ATG14: variants seen among roughly 807,000 people sequenced by gnomAD.
ATG14 encodes autophagy related 14.
ATG14 carries 35 observed loss-of-function variants against 60.4 expected under a neutral mutation model. That is an observed-to-expected ratio of 0.58 (90% confidence interval 0.44 to 0.77). The LOEUF (loss-of-function observed/expected upper bound fraction) is 0.77, where lower values mean the gene tolerates loss of function less well. Ranked by LOEUF, ATG14 falls within the 30% of genes least tolerant of loss-of-function variation. The pLI, the probability that ATG14 is intolerant of heterozygous loss-of-function variation, is 0.00. For synonymous variants in ATG14, 234 were observed against 228.8 expected (o/e 1.02, Z -0.21); for missense variants, 647 against 626.3 (o/e 1.03, Z -0.35).
In ATG14 at chr14:55,395,137, CT is replaced by C; in HGVS notation, c.327+802del. On this transcript the variant is annotated intron_variant, in intron 3 of 9. Transcript: ENST00000247178. The stretch of plus-strand genomic sequence containing the variant: ...TGCTGCTTTCTCAGCTTCGTTTCCA[CT>C]TTTGCAGGAGCAGGTTCAGCTGATA... 2.9e-5 allele frequency: 14 copies of C among 476,128 alleles called. 1 individual carries two copies. Among genetic ancestry groups the C allele is most frequent in the South Asian group, 2.1e-4 (14 of 65,418 alleles). The allele number at this position is 476,128 out of a possible 1,614,324, so 29.5% of individuals were successfully genotyped here.
intron 3 of ATG14, among the ~76,000 whole-genome samples, chr14:55,393,762 A>G (rs1053657814): frequency 6.6e-6 from 1 of 151,980 alleles, no homozygotes; most frequent in South Asian, 2.1e-4. Context: ...CATGTTTCCC[A>G]GGCTGGTTTT....
chr14:55,387,917 C>T (rs1315449312), intron 4 of ATG14, among the ~76,000 whole-genome samples: 1 of 152,186 alleles, frequency 6.6e-6, no homozygotes, highest in African/African-American at 2.4e-5. Flanking sequence ...CCGCCTCGGC[C>T]TCCCAAAGTG....
intron 9 of ATG14, among the ~76,000 whole-genome samples, chr14:55,372,590 A>ACTCCTTCCCTTCCTCCTTCCCTCC (rs1884843857): frequency 8.8e-6 from 1 of 114,092 alleles, no homozygotes; most frequent in South Asian, 2.7e-4. Context: ...TTTCTTCCTC[A>ACTCCTTCCCTTCCTCCTTCCCTCC]CTCCTTCCCT....
At chr14:55,383,560 C>CA (rs930868530) in intron 5 of ATG14, among the ~76,000 whole-genome samples, 5 of 150,244 alleles carry the variant, frequency 3.3e-5, no homozygotes, top group South Asian at 2.1e-4. Context: ...CAAAAAAACA[C>CA]AAAAAAACAA....
chr14:55,402,178 A>T (rs1885409842), intron 1 of ATG14, among the ~76,000 whole-genome samples: 1 of 152,160 alleles, frequency 6.6e-6, no homozygotes, highest in Admixed American at 6.5e-5. Context: ...CAATTTACTG[A>T]GCACTTACTA....
intron 1 of ATG14, among the ~76,000 whole-genome samples, chr14:55,408,645 C>G (rs1465188674): frequency 2.0e-5 from 3 of 152,126 alleles, no homozygotes; most frequent in African/African-American, 7.2e-5. Context: ...GTGGAGCATG[C>G]CTGTAGTCCC....
At chr14:55,386,146 T>A in intron 4 of ATG14, 50 bp from the exon 5 acceptor site, 1 of 1,475,500 alleles carries the variant, frequency 6.8e-7, no homozygotes, top group Non-Finnish European at 9.3e-7. Context: ...ACAGTTCCTG[T>A]GTACTGCAGA....
At chr14:55,391,863 T>C (rs1317487368) in intron 3 of ATG14, among the ~76,000 whole-genome samples, 1 of 152,198 alleles carries the variant, frequency 6.6e-6, no homozygotes, top group Non-Finnish European at 1.5e-5. Context: ...TGCAAGTTAA[T>C]AAAAATGGCA....
In ATG14 at chr14:55,377,876, A is replaced by T; in HGVS notation, c.1115T>A (p.Leu372Gln). 1 of 1,607,222 alleles carries T rather than the reference A, an allele frequency of 6.2e-7. No individual in the cohort carries two copies. The highest frequency in any genetic ancestry group is 1.1e-5 in the South Asian group (1 of 89,322). ...GTACATTAGATTCCTGAGGGTATGC[A>T]GTGGTTGTAATTGATCTAAATTTAC... ...QHVNLDQLQP[L>Q]HTLRNLMYLV... Residue 372 changes from leucine (L) to glutamine (Q), a missense_variant, in exon 9 of 10, where the codon CTG becomes CAG. Leu to Gln is a moderately radical substitution (Grantham distance 113). Coordinates refer to ENST00000247178, the MANE Select transcript of ATG14 (RefSeq NM_014924.5).
intron 3 of ATG14, chr14:55,394,938 G>A: frequency 5.1e-6 from 2 of 388,888 alleles, no homozygotes; most frequent in Non-Finnish European, 1.0e-5. Context: ...ACCAGAGAAT[G>A]ATTTCACCTC....
At position 55,381,887 on chromosome 14, in the gene ATG14, C is replaced by T. The variant is rs973496499; in HGVS notation, c.877+75G>A. On this transcript the variant is annotated intron_variant, in intron 6 of 9. Coordinates refer to ENST00000247178, the MANE Select transcript of ATG14 (RefSeq NM_014924.5). ...TGCCCCTGAATGGTTCACTTGAAAG[C>T]TCTTCATTTTGTTATGTCAATTTTA... 11 of 1,282,670 alleles carry T rather than the reference C, an allele frequency of 8.6e-6. No individual in the cohort carries two copies. The African/African-American group carries it at 1.5e-4, about 17-fold the overall frequency. The allele number at this position is 1,282,670 out of a possible 1,614,324, so 79.5% of individuals were successfully genotyped here.
At chr14:55,389,441 G>C (rs1438495948) in intron 4 of ATG14, among the ~76,000 whole-genome samples, 1 of 152,202 alleles carries the variant, frequency 6.6e-6, no homozygotes, top group Admixed American at 6.5e-5. Flanking sequence ...TAATTCTCTA[G>C]TTTAGTAATC....
At chr14:55,404,894 T>C (rs1366388193) in intron 1 of ATG14, among the ~76,000 whole-genome samples, 1 of 152,204 alleles carries the variant, frequency 6.6e-6, no homozygotes, top group African/African-American at 2.4e-5. Flanking sequence ...CAGTTTCCTC[T>C]GCTTAAAATA....
At chr14:55,395,845 C>T (rs528202576) in intron 3 of ATG14, 95 bp downstream of exon 3, 28 of 945,282 alleles carry the variant, frequency 3.0e-5, no homozygotes, top group Admixed American at 7.2e-5. Context: ...CTGCTAAATA[C>T]GATTTTTAAA....
At chr14:55,404,448 C>T (rs191281158) in intron 1 of ATG14, among the ~76,000 whole-genome samples, 3 of 152,332 alleles carry the variant, frequency 2.0e-5, no homozygotes, top group East Asian at 1.9e-4. Flanking sequence ...TCCATCATCA[C>T]GTCAATTCAG....
intron 9 of ATG14, among the ~76,000 whole-genome samples, chr14:55,373,700 C>T (rs1375410912): frequency 6.6e-6 from 1 of 152,048 alleles, no homozygotes; most frequent in Non-Finnish European, 1.5e-5. Flanking sequence ...CTCAAGTGAT[C>T]CGCCCACCTC....
chr14:55,383,419 T>C lies in ATG14; in HGVS notation c.648-1228A>G, dbSNP rs1215432772. The stretch of plus-strand genomic sequence containing the variant: ...TACAAAAATAAGCTGGGCGTGGTGG[T>C]GGGTGCCTGTAATCCCAGCTACTCG... On this transcript the variant is annotated intron_variant, in intron 5 of 9. Coordinates refer to ENST00000247178, the MANE Select transcript of ATG14 (RefSeq NM_014924.5). 2.0e-5 allele frequency among the ~76,000 whole-genome samples: 3 copies of C among 151,522 alleles called. No individual in the cohort carries two copies. The East Asian group carries it at 5.8e-4, about 29-fold the overall frequency.
At chr14:55,381,010 T>A (rs571419258) in intron 6 of ATG14, among the ~76,000 whole-genome samples, 1 of 151,668 alleles carries the variant, frequency 6.6e-6, no homozygotes, top group African/African-American at 2.4e-5. Flanking sequence ...CCAACTTGAA[T>A]GTCACCTCTC....
chr14:55,395,282 T>A (rs964267961), intron 3 of ATG14: 1 of 298,422 alleles, frequency 3.4e-6, no homozygotes, highest in Admixed American at 4.5e-5. Context: ...GCATAGTGCA[T>A]CTAGAGCCTC....
Sources: gnomAD v4.1 joint callset for allele counts (sites outside exome capture counted in the v4.1 genomes callset) on GRCh38, gnomAD v4.1.1 for gene constraint, MANE v1.5 for transcripts, NCBI Gene and HGNC (gene_info 2026-07-23, HGNC 2026-07-21) for gene names.